Variants in MYLK3 observed in about 807,000 individuals in gnomAD.
MYLK3 encodes the protein myosin light chain kinase 3.
A neutral mutation model predicts 76.3 loss-of-function variants in MYLK3; 55 were observed. That is an observed-to-expected ratio of 0.72 (90% CI 0.58 to 0.90). The LOEUF is 0.90. Ranked by LOEUF, MYLK3 falls within the 40% of genes least tolerant of loss-of-function variation. The pLI is 0.00. For synonymous variants in MYLK3, 416 were observed against 425.4 expected (o/e 0.98, Z 0.27); for missense variants, 973 against 1,053.6 (o/e 0.92, Z 1.06).
intron 1 of MYLK3, among the ~76,000 whole-genome samples, chr16:46,744,330 C>CA (rs369864776): frequency 2.3e-5 from 1 of 43,688 alleles, no homozygotes; most frequent in Admixed American, 4.7e-4. Context: ...CCACACCCAG[C>CA]TTTTTTTTTT....
intron 1 of MYLK3, among the ~76,000 whole-genome samples, chr16:46,741,950 G>T (rs1031304996): frequency 3.9e-5 from 6 of 151,992 alleles, no homozygotes; most frequent in Non-Finnish European, 8.8e-5. Context: ...GTTGGTTGAT[G>T]TTGTTTTATA....
chr16:46,761,493 G>C (rs933222927), intron 1 of MYLK3, among the ~76,000 whole-genome samples: 37 of 152,068 alleles, frequency 2.4e-4, no homozygotes, highest in Non-Finnish European at 4.7e-4. Flanking sequence ...GTCTTGGGTG[G>C]TGTCACAAGA....
intron 1 of MYLK3, among the ~76,000 whole-genome samples, chr16:46,754,710 C>A (rs1000020905): frequency 6.6e-6 from 1 of 152,158 alleles, no homozygotes; most frequent in Non-Finnish European, 1.5e-5. Flanking sequence ...TAGACTACTA[C>A]ACATACCAAA....
Position 46,744,234 on chromosome 16 carries a change from A to G in MYLK3, c.477+3483T>C, listed in dbSNP as rs190638036. Reference sequence around the variant, plus strand: ...TTTTAGTAGAGACGGGGGTTTCACCATATTGGCCAGACTAGTCTCGAACTC... The same window carrying G: ...TTTTAGTAGAGACGGGGGTTTCACCGTATTGGCCAGACTAGTCTCGAACTC... On this transcript the variant is annotated intron_variant, in intron 1 of 12. Coordinates refer to ENST00000394809, the MANE Select transcript of MYLK3 (RefSeq NM_182493.3). 3.4e-3 allele frequency among the ~76,000 whole-genome samples: 502 copies of G among 147,236 alleles called. 6 individuals carry two copies. Among genetic ancestry groups the G allele is most frequent in the Admixed American group, 0.031 (458 of 14,618 alleles).
In MYLK3 at chr16:46,703,552, A is replaced by G. The variant is rs900998502; in HGVS notation, c.*4152T>C. ...CCAGTGACTGTACATGCAAATGGAA[A>G]AGTCCCATTAGAAATAGTTGACCCA... On this transcript the variant is annotated 3_prime_UTR_variant, in exon 13 of 13. Coordinates refer to ENST00000394809, the MANE Select transcript of MYLK3 (RefSeq NM_182493.3). 2 of 152,254 alleles carry G rather than the reference A, an allele frequency of 1.3e-5. No individual in the cohort carries two copies. The highest frequency in any genetic ancestry group is 4.8e-5 in the African/African-American group (2 of 41,464). 9.4% of individuals were successfully genotyped at this position (152,254 alleles called of 1,614,324 possible). A position where few individuals can be genotyped will look rare whatever the true frequency, so the allele number is the denominator to read the frequency against.
intron 1 of MYLK3, among the ~76,000 whole-genome samples, chr16:46,742,799 G>T (rs1966955135): frequency 6.6e-6 from 1 of 152,208 alleles, no homozygotes; most frequent in Non-Finnish European, 1.5e-5. Context: ...ATGATCACCA[G>T]CGTCATCAAT....
In MYLK3 at chr16:46,703,921, A is replaced by G. The variant is rs1966600880; in HGVS notation, c.*3783T>C. On this transcript the variant is annotated 3_prime_UTR_variant, in exon 13 of 13. Coordinates refer to ENST00000394809, the MANE Select transcript of MYLK3 (RefSeq NM_182493.3). ...ACTGCAGAACTGAATTTCTAATTTT[A>G]TTTAATTTTAATACATGTAAAAGTG... 6.5e-6 allele frequency: 1 copy of G among 153,802 alleles called. No individual in the cohort carries two copies. 9.5% of individuals were successfully genotyped at this position (153,802 alleles called of 1,614,324 possible). A position where few individuals can be genotyped will look rare whatever the true frequency, so the allele number is the denominator to read the frequency against.
At chr16:46,734,541 A>G (rs1178673342) in intron 3 of MYLK3, among the ~76,000 whole-genome samples, 1 of 151,954 alleles carries the variant, frequency 6.6e-6, no homozygotes, top group South Asian at 2.1e-4. Flanking sequence ...TAATCGCTTG[A>G]ACCCAGGAGG....
chr16:46,747,713 C>G lies in MYLK3; in HGVS notation c.477+4G>C, dbSNP rs754119339. ...CCAGCCAGGGCAGGGAAGCAGGAAC[C>G]AACCTCCTCAGGGCTGTCACCTGGG... On this transcript the variant is annotated splice_donor_region_variant and intron_variant, in intron 1 of 12. Transcript: ENST00000394809. 1.9e-5 allele frequency: 31 copies of G among 1,608,976 alleles called. No homozygotes were observed. Among genetic ancestry groups the G allele is most frequent in the Non-Finnish European group, 2.5e-5 (29 of 1,176,876 alleles).
chr16:46,760,870 C>T (rs1967267465), intron 1 of MYLK3, among the ~76,000 whole-genome samples: 1 of 152,096 alleles, frequency 6.6e-6, no homozygotes, highest in African/African-American at 2.4e-5. Context: ...GAGGGACAGA[C>T]CCTCAGGCAG....
intron 7 of MYLK3, 74 bp from the exon 8 acceptor site, chr16:46,727,451 G>A: frequency 2.0e-6 from 3 of 1,487,152 alleles, no homozygotes; most frequent in Non-Finnish European, 2.7e-6. Context: ...TCATTATAGG[G>A]CCAAAAGAGG....
At chr16:46,714,096 G>A (rs1966712552) in intron 9 of MYLK3, among the ~76,000 whole-genome samples, 1 of 152,176 alleles carries the variant, frequency 6.6e-6, no homozygotes, top group Non-Finnish European at 1.5e-5. Flanking sequence ...GGTTGAGTGG[G>A]AAAGGGGGGC....
chr16:46,763,000 C>T, intron 1 of MYLK3: 1 of 985,370 alleles, frequency 1.0e-6, no homozygotes, highest in Non-Finnish European at 1.2e-6. Context: ...AAAACACCCC[C>T]CCACACACAC....
intron 1 of MYLK3, among the ~76,000 whole-genome samples, chr16:46,758,298 ACACACACTCT>A (rs1379456658): frequency 3.6e-5 from 2 of 56,228 alleles, no homozygotes; most frequent in Non-Finnish European, 6.0e-5. Flanking sequence ...ACACACACAC[ACACACACTCT>A]CTCTCTCTCT....
chr16:46,757,702 G>A (rs533965380), intron 1 of MYLK3, among the ~76,000 whole-genome samples: 55 of 152,362 alleles, frequency 3.6e-4, no homozygotes, highest in Non-Finnish European at 4.4e-4. Flanking sequence ...GGCATCCAGA[G>A]GCTTCACTTG....
intron 1 of MYLK3, among the ~76,000 whole-genome samples, chr16:46,755,524 C>A (rs1250222112): frequency 2.0e-5 from 3 of 151,280 alleles, no homozygotes; most frequent in African/African-American, 4.9e-5. Flanking sequence ...GCAAGAAAAT[C>A]AAGAGTGTTC....
rs1567277402 is a variant in MYLK3, at chr16:46,702,715, A to T, written c.*4989T>A. Among the ~76,000 whole-genome samples the T allele has an allele frequency of 6.6e-6, 1 of 152,080 alleles. No individual in the cohort carries two copies. Among genetic ancestry groups the T allele is most frequent in the Non-Finnish European group, 1.5e-5 (1 of 68,006 alleles). ...GGTGGGCAGATCACGAGGTCAAGAG[A>T]TCGAGACCATCCTGGCCAGCATGGT... On this transcript the variant is annotated 3_prime_UTR_variant, in exon 13 of 13. Coordinates refer to ENST00000394809, the MANE Select transcript of MYLK3 (RefSeq NM_182493.3).
chr16:46,752,988 A>G (rs975618460), upstream of MYLK3, among the ~76,000 whole-genome samples: 5 of 152,210 alleles, frequency 3.3e-5, no homozygotes, highest in African/African-American at 1.2e-4. Flanking sequence ...AAGGAAGAAA[A>G]TAAATACCCA....
chr16:46,757,538 G>A (rs891070973), intron 1 of MYLK3: 76 of 985,316 alleles, frequency 7.7e-5, no homozygotes, highest in Non-Finnish European at 9.0e-5. Flanking sequence ...TGCCAACTCC[G>A]TGTTTACTCT....
Sources: gnomAD v4.1 joint callset for allele counts (sites outside exome capture counted in the v4.1 genomes callset) on GRCh38, gnomAD v4.1.1 for gene constraint, MANE v1.5 for transcripts, NCBI Gene and HGNC (gene_info 2026-07-23, HGNC 2026-07-21) for gene names.